Variants in CNTN5 observed in about 807,000 individuals in gnomAD.
The protein encoded by CNTN5 is contactin-5.
In CNTN5, 77 loss-of-function variants were observed where a neutral mutation model predicts 129.1. That is an observed-to-expected ratio of 0.60 (90% CI 0.50 to 0.72). CNTN5 has a LOEUF of 0.72. Among genes scored for constraint, CNTN5 ranks in the 30% least tolerant of loss-of-function variants. CNTN5 has a pLI of 0.00. For synonymous variants in CNTN5, 509 were observed against 465.6 expected (o/e 1.09, Z -1.20); for missense variants, 1,478 against 1,328.8 (o/e 1.11, Z -1.75).
intron 3 of CNTN5, among the ~76,000 whole-genome samples, chr11:99,609,595 A>G (rs754600453): frequency 5.3e-5 from 8 of 152,152 alleles, no homozygotes; most frequent in South Asian, 2.1e-4. Flanking sequence ...ATTGGTTGAT[A>G]TGCCTATCCT....
chr11:99,962,403 C>T (rs1168274954), intron 8 of CNTN5, among the ~76,000 whole-genome samples: 1 of 150,494 alleles, frequency 6.6e-6, no homozygotes, highest in East Asian at 2.0e-4. Flanking sequence ...TGAGAAGATG[C>T]AGTGTTTGGT....
intron 3 of CNTN5, among the ~76,000 whole-genome samples, chr11:99,628,611 GACACACACACACACACAC>G (rs10607009): frequency 2.0e-5 from 3 of 147,146 alleles, no homozygotes; most frequent in African/African-American, 5.1e-5. Context: ...GCTAAATAAT[GACACACACACACACACAC>G]ACACACACAC....
chr11:99,340,285 CAT>C (rs1866449617), intron 2 of CNTN5, among the ~76,000 whole-genome samples: 1 of 151,958 alleles, frequency 6.6e-6, no homozygotes, highest in African/African-American at 2.4e-5. Flanking sequence ...GTTAGCAGGA[CAT>C]ATAAATTTGG....
intron 7 of CNTN5, among the ~76,000 whole-genome samples, chr11:99,917,274 T>G (rs1949817173): frequency 6.6e-6 from 1 of 152,148 alleles, no homozygotes; most frequent in South Asian, 2.1e-4. Flanking sequence ...ACCAGTCCAG[T>G]TATTCTAATC....
chr11:99,387,057 A>G (rs555834019), intron 2 of CNTN5, among the ~76,000 whole-genome samples: 31 of 152,124 alleles, frequency 2.0e-4, no homozygotes, highest in African/African-American at 6.3e-4. Context: ...CCAATTAGAT[A>G]TATGTTATCT....
intron 1 of CNTN5, among the ~76,000 whole-genome samples, chr11:99,037,171 T>C (rs2135120288): frequency 6.6e-6 from 1 of 152,308 alleles, no homozygotes; most frequent in Middle Eastern, 3.4e-3. Context: ...CAAAGTAGCC[T>C]TCTGAATATC....
chr11:99,643,502 T>C lies in CNTN5; in HGVS notation c.55+87233T>C, dbSNP rs79467220. Among the ~76,000 whole-genome samples the C allele has an allele frequency of 8.9e-4, 136 of 152,338 alleles. 4 individuals carry two copies. In the East Asian group the frequency reaches 0.022, roughly 25 times the overall value. The stretch of plus-strand genomic sequence containing the variant: ...TATCTATAAATAAGGATGATAACTA[T>C]ACTTATCTCATAGGTTTGTTGAGTA... On this transcript the variant is annotated intron_variant, in intron 3 of 24. Coordinates refer to ENST00000524871, the MANE Select transcript of CNTN5 (RefSeq NM_014361.4).
intron 3 of CNTN5, among the ~76,000 whole-genome samples, chr11:99,598,533 C>T (rs189201183): frequency 1.3e-3 from 195 of 150,612 alleles, no homozygotes; most frequent in African/African-American, 4.6e-3. Flanking sequence ...ATGGCAGAAG[C>T]CTTTTGCCTC....
chr11:99,078,125 T>C (rs1046137887), intron 1 of CNTN5, among the ~76,000 whole-genome samples: 4 of 152,166 alleles, frequency 2.6e-5, no homozygotes, highest in African/African-American at 9.7e-5. Context: ...ACACAAAAAT[T>C]GATATTAATG....
chr11:99,622,693 T>C (rs1950990585), intron 3 of CNTN5, among the ~76,000 whole-genome samples: 2 of 152,108 alleles, frequency 1.3e-5, no homozygotes, highest in South Asian at 2.1e-4. Context: ...TTTCATTGTA[T>C]TCTTAAATTT....
At chr11:99,854,857 G>A (rs1438123981) in intron 6 of CNTN5, among the ~76,000 whole-genome samples, 1 of 152,012 alleles carries the variant, frequency 6.6e-6, no homozygotes, top group Non-Finnish European at 1.5e-5. Context: ...CTAAACTTCA[G>A]GAATATATGT....
chr11:99,369,909 A>C (rs1474839588), intron 2 of CNTN5, among the ~76,000 whole-genome samples: 1 of 152,176 alleles, frequency 6.6e-6, no homozygotes, highest in Non-Finnish European at 1.5e-5. Context: ...CCAGTGAGCT[A>C]TGCAATGAAG....
At chr11:99,821,498 A>G (rs1946800008) in intron 4 of CNTN5, among the ~76,000 whole-genome samples, 2 of 152,132 alleles carry the variant, frequency 1.3e-5, no homozygotes, top group Admixed American at 6.6e-5. Context: ...TAAAAGCACA[A>G]CTCTCTGACA....
intron 1 of CNTN5, among the ~76,000 whole-genome samples, chr11:99,034,951 G>C (rs61891103): frequency 0.18 from 26,936 of 148,746 alleles, 2,008 homozygotes; most frequent in East Asian, 0.31. Context: ...ATGTGTCCCA[G>C]AGATTCTGGT....
intron 4 of CNTN5, among the ~76,000 whole-genome samples, chr11:99,842,983 C>T (rs753023927): frequency 1.3e-5 from 2 of 152,166 alleles, no homozygotes; most frequent in Non-Finnish European, 2.9e-5. Flanking sequence ...GCATTCCCAG[C>T]ACTTTGGGAG....
At chr11:99,645,039 G>A (rs1007195137) in intron 3 of CNTN5, among the ~76,000 whole-genome samples, 2 of 150,840 alleles carry the variant, frequency 1.3e-5, no homozygotes, top group African/African-American at 4.9e-5. Context: ...GGCTGAGGCA[G>A]GTGAATCACA....
intron 18 of CNTN5, among the ~76,000 whole-genome samples, chr11:100,278,671 C>G (rs1183723860): frequency 6.6e-6 from 1 of 151,970 alleles, no homozygotes; most frequent in Non-Finnish European, 1.5e-5. Flanking sequence ...TGAAAATTTA[C>G]TAAATTTGTT....
At chr11:99,993,600 C>T (rs1289449288) in intron 8 of CNTN5, among the ~76,000 whole-genome samples, 1 of 152,110 alleles carries the variant, frequency 6.6e-6, no homozygotes. Context: ...GTGCAAACTC[C>T]TGTGAGAATC....
intron 7 of CNTN5, among the ~76,000 whole-genome samples, chr11:99,932,160 C>T (rs145781183): frequency 6.6e-6 from 1 of 152,242 alleles, no homozygotes; most frequent in African/African-American, 2.4e-5. Context: ...TACCCATCTC[C>T]CTTATGCACT....
Sources: gnomAD v4.1 joint callset for allele counts (sites outside exome capture counted in the v4.1 genomes callset) on GRCh38, gnomAD v4.1.1 for gene constraint, MANE v1.5 for transcripts, NCBI Gene and HGNC (gene_info 2026-07-23, HGNC 2026-07-21) for gene names.